EMILIN1: variants seen among roughly 807,000 people sequenced by gnomAD.
The protein encoded by EMILIN1 is elastin microfibril interfacer 1, also known as EMILIN-1.
EMILIN1 carries 49 observed loss-of-function variants against 82.4 expected under a neutral mutation model. The ratio of observed to expected loss-of-function variants is 0.59; its 90% CI spans 0.47 to 0.75. EMILIN1 has a LOEUF of 0.75. Among genes scored for constraint, EMILIN1 ranks in the 30% least tolerant of loss-of-function variants. The pLI, the probability that EMILIN1 is intolerant of heterozygous loss-of-function variation, is 0.00. For missense variants in EMILIN1, 1,313 were observed against 1,366.4 expected (o/e 0.96, Z 0.62); for synonymous variants, 604 against 602.2 (o/e 1.00, Z -0.04).
intron 5 of EMILIN1, 136 bp from the exon 6 acceptor site, chr2:27,084,855 G>A (rs906504376): frequency 3.9e-5 from 33 of 842,508 alleles, no homozygotes; most frequent in Non-Finnish European, 6.1e-5. Flanking sequence ...ACCTATTCCT[G>A]TTTTTCTTGA....
Position 27,086,383 on chromosome 2 carries a change from A to T in EMILIN1, c.*368A>T. ...TACTAAACGATCGAGGAATAAAGAC[A>T]CTTGGTTTTTCTAAAAAAAACTAAA... On this transcript the variant is annotated 3_prime_UTR_variant, in exon 8 of 8. Transcript: ENST00000380320. The T allele has an allele frequency of 4.7e-6, 1 of 213,638 alleles. No homozygotes were observed. The highest frequency in any genetic ancestry group is 9.2e-6 in the Non-Finnish European group (1 of 108,422). The allele number at this position is 213,638 out of a possible 1,614,324, so 13.2% of individuals were successfully genotyped here.
chr2:27,084,153 A>G (rs1223662194), intron 4 of EMILIN1, 142 bp downstream of exon 4: 1 of 1,025,960 alleles, frequency 9.7e-7, no homozygotes, highest in South Asian at 1.9e-5. Context: ...TCCAGGTGTT[A>G]TAGTTTGCCT....
At position 27,083,217 on chromosome 2, in the gene EMILIN1, A is replaced by G; in HGVS notation, c.1646A>G (p.Gln549Arg). ...CGGCTCCAGGATCGTGTGGATGCCC[A>G]GGATGAGACAGCTGCAGAGTTCACA... ...VGRLQDRVDA[Q>R]DETAAEFTLR... Residue 549 changes from glutamine to arginine, a missense_variant, in exon 4 of 8, where the codon CAG becomes CGG. By Grantham distance (43) the Gln-to-Arg change is conservative. Transcript: ENST00000380320. 1.9e-6 allele frequency: 3 copies of G among 1,611,824 alleles called. No individual in the cohort carries two copies. Among genetic ancestry groups the G allele is most frequent in the Non-Finnish European group, 2.5e-6 (3 of 1,178,748 alleles).
intron 3 of EMILIN1, among the ~76,000 whole-genome samples, chr2:27,081,607 A>C (rs1669478075): frequency 6.6e-6 from 1 of 152,180 alleles, no homozygotes; most frequent in Non-Finnish European, 1.5e-5. Context: ...TGGCATCCAG[A>C]GTGCCTCCCT....
rs773426833 is a variant in EMILIN1, at chr2:27,082,889, C to A, written c.1318C>A (p.Pro440Thr). ...TCCTGGGGGGCTGAGCCACTGGCTG[C>A]CTGCTGCCCGGGGCCGACTAGAGCA... ...GAPGGLSHWLPAARGRLEQLG... is the reference protein window; with the variant it reads ...GAPGGLSHWLTAARGRLEQLG... Residue 440 changes from proline to threonine, a missense_variant, in exon 4 of 8, where the codon CCT becomes ACT. Pro to Thr is a conservative substitution (Grantham distance 38). Transcript: ENST00000380320. The A allele has an allele frequency of 1.9e-6, 3 of 1,594,614 alleles. No individual in the cohort carries two copies. The East Asian group carries it at 6.7e-5, about 36-fold the overall frequency.
In EMILIN1 at chr2:27,083,453, G is replaced by A. The variant is rs752751079; in HGVS notation, c.1882G>A (p.Gly628Ser). 47 of 1,612,878 alleles carry A rather than the reference G, an allele frequency of 2.9e-5. No homozygotes were observed. The highest frequency in any genetic ancestry group is 3.4e-5 in the Non-Finnish European group (40 of 1,179,782). The change falls in exon 4 of 8, where the codon GGC becomes AGC. Residue 628 changes from glycine to serine, a missense_variant. Physicochemically the swap from Gly to Ser is moderately conservative, Grantham distance 56 (BLOSUM62 0). Transcript: ENST00000380320. ...VGGPSRGPLD[G>S]FSVFGGSSGS... ...GGGCCCAAGCCGTGGGCCCCTGGAC[G>A]GCTTCAGCGTGTTTGGGGGCAGCTC...
In EMILIN1 at chr2:27,082,383, G is replaced by A. The variant is rs748113935; in HGVS notation, c.812G>A (p.Ser271Asn). The A allele has an allele frequency of 5.0e-6, 8 of 1,610,376 alleles. No individual in the cohort carries two copies. In the African/African-American group the frequency reaches 5.3e-5, roughly 11 times the overall value. ...AACCATCATGGCGGCAGCAGCAGCA[G>A]TGGGGGCAGCAGGGCCCCAGCCCCA... is the stretch of plus-strand genomic sequence containing the variant. ...LNNHHGGSSSSGGSRAPAPAS... is the reference protein window; with the variant it reads ...LNNHHGGSSSNGGSRAPAPAS... The change falls in exon 4 of 8, where the codon AGT becomes AAT. Residue 271 changes from serine (S) to asparagine (N), a missense_variant. Coordinates refer to ENST00000380320, the MANE Select transcript of EMILIN1 (RefSeq NM_007046.4).
chr2:27,085,674 C>T lies in EMILIN1; in HGVS notation c.2714-4C>T, dbSNP rs775734602. 2 of 1,594,374 alleles carry T rather than the reference C, an allele frequency of 1.3e-6. No individual in the cohort carries two copies. The highest frequency in any genetic ancestry group is 1.7e-6 in the Non-Finnish European group (2 of 1,165,426). On this transcript the variant is annotated splice_region_variant and splice_polypyrimidine_tract_variant and intron_variant, in intron 7 of 7. Transcript: ENST00000380320. ...GCCCCCCTGACTGCTATCCTTGTCC[C>T]CAGGCGTGTTCACAGCGCCACTGGC... is the stretch of plus-strand genomic sequence containing the variant.
chr2:27,082,649 C>G lies in EMILIN1; in HGVS notation c.1078C>G (p.Arg360Gly). 1.3e-6 allele frequency: 2 copies of G among 1,548,244 alleles called. No individual in the cohort carries two copies. The highest frequency in any genetic ancestry group is 1.7e-6 in the Non-Finnish European group (2 of 1,149,428). ...PQECCSPELG[R>G]RLAELERRLD... ...GGAATGCTGCTCTCCAGAGCTGGGC[C>G]GGCGACTGGCAGAGCTGGAGCGCAG... The change falls in exon 4 of 8, where the codon CGG becomes GGG. Residue 360 changes from arginine (R) to glycine (G), a missense_variant. Transcript: ENST00000380320.
intron 1 of EMILIN1, 90 bp downstream of exon 1, chr2:27,079,325 G>A: frequency 5.3e-6 from 6 of 1,140,448 alleles, no homozygotes; most frequent in Non-Finnish European, 7.2e-6. Context: ...GTCCGCTAAT[G>A]CAGGGCAGAG....
At chr2:27,081,599 G>A (rs1312689167) in intron 3 of EMILIN1, among the ~76,000 whole-genome samples, 1 of 151,972 alleles carries the variant, frequency 6.6e-6, no homozygotes, top group Non-Finnish European at 1.5e-5. Flanking sequence ...TACTGTTGTG[G>A]CATCCAGAGT....
Position 27,086,291 on chromosome 2 carries a change from C to T in EMILIN1, c.*276C>T. 1 of 348,812 alleles carries T rather than the reference C, an allele frequency of 2.9e-6. No individual in the cohort carries two copies. Among genetic ancestry groups the T allele is most frequent in the Non-Finnish European group, 5.1e-6 (1 of 194,402 alleles). The allele number at this position is 348,812 out of a possible 1,614,324, so 21.6% of individuals were successfully genotyped here. ...AGCCGATCCTCGCACCCTCCGCTCC[C>T]TCCACTGGCCCTCCAGGTCGATTCC... On this transcript the variant is annotated 3_prime_UTR_variant, in exon 8 of 8. Transcript: ENST00000380320.
Position 27,083,436 on chromosome 2 carries a change from G to A in EMILIN1, c.1865G>A (p.Ser622Asn). Residue 622 changes from serine (S) to asparagine (N), a missense_variant, in exon 4 of 8, where the codon AGC (serine) becomes AAC (asparagine). Transcript: ENST00000380320. Reference protein sequence around the residue: ...PGAGPGVGGPSRGPLDGFSVF... With the variant: ...PGAGPGVGGPNRGPLDGFSVF... ...GCTGGTCCAGGTGTTGGGGGCCCAA[G>A]CCGTGGGCCCCTGGACGGCTTCAGC... 1.2e-6 allele frequency: 2 copies of A among 1,612,584 alleles called. No individual in the cohort carries two copies. The highest frequency in any genetic ancestry group is 1.7e-6 in the Non-Finnish European group (2 of 1,179,936).
chr2:27,081,141 G>GTGTGTA (rs1669468821), intron 3 of EMILIN1, among the ~76,000 whole-genome samples, 189 bp downstream of exon 3: 1 of 151,004 alleles, frequency 6.6e-6, no homozygotes, highest in African/African-American at 2.5e-5. Context: ...GTGTGTGTGT[G>GTGTGTA]TGTGTGTATT....
In EMILIN1 at chr2:27,079,057, C is replaced by G. The variant is rs150606069; in HGVS notation, c.-9C>G. 6 of 1,540,808 alleles carry G rather than the reference C, an allele frequency of 3.9e-6. No homozygotes were observed. Among genetic ancestry groups the G allele is most frequent in the Non-Finnish European group, 5.2e-6 (6 of 1,149,614 alleles). The stretch of plus-strand genomic sequence containing the variant: ...TGAGTCTCTGAGGGCCACTGTGGAG[C>G]GCCCCGCCATGGCCCCCCGCACCCT... On this transcript the variant is annotated 5_prime_UTR_variant, in exon 1 of 8. Transcript: ENST00000380320.
rs1669640708 is a variant in EMILIN1 at position 27,086,378 on chromosome 2, A to C, written c.*363A>C. On this transcript the variant is annotated 3_prime_UTR_variant, in exon 8 of 8. Coordinates refer to ENST00000380320, the MANE Select transcript of EMILIN1 (RefSeq NM_007046.4). ...CGCCATACTAAACGATCGAGGAATA[A>C]AGACACTTGGTTTTTCTAAAAAAAA... is the stretch of plus-strand genomic sequence containing the variant. The C allele has an allele frequency of 1.8e-5, 4 of 219,606 alleles. No individual in the cohort carries two copies. Among genetic ancestry groups the C allele is most frequent in the Non-Finnish European group, 3.6e-5 (4 of 112,168 alleles). The allele number at this position is 219,606 out of a possible 1,614,324, so 13.6% of individuals were successfully genotyped here.
Position 27,083,109 on chromosome 2 carries a change from T to C in EMILIN1, c.1538T>C (p.Leu513Pro), listed in dbSNP as rs1024384968. ...CTGGACAGTGAGGGGCAGCTGCGGCTGGTGGGCTCCGGCCTGCACACGGTG... is the reference window on the plus strand; with the variant it reads ...CTGGACAGTGAGGGGCAGCTGCGGCCGGTGGGCTCCGGCCTGCACACGGTG... ...RVLDSEGQLR[L>P]VGSGLHTVEA... Residue 513 changes from leucine (L) to proline (P), a missense_variant, in exon 4 of 8, where the codon CTG becomes CCG. Physicochemically the swap from Leu to Pro is moderately conservative, Grantham distance 98. Transcript: ENST00000380320. 2 of 1,565,178 alleles carry C rather than the reference T, an allele frequency of 1.3e-6. No homozygotes were observed. Among genetic ancestry groups the C allele is most frequent in the Admixed American group, 3.6e-5 (2 of 54,878 alleles).
At position 27,083,330 on chromosome 2, in the gene EMILIN1, G is replaced by T. The variant is rs776444866; in HGVS notation, c.1759G>T (p.Gly587Ter). 9 of 1,613,214 alleles carry T rather than the reference G, an allele frequency of 5.6e-6. No homozygotes were observed. The highest frequency in any genetic ancestry group is 5.1e-6 in the Non-Finnish European group (6 of 1,179,898). The change falls in exon 4 of 8, where the codon GGA becomes TGA. Residue 587 changes from glycine to a stop codon, truncating the protein, a stop_gained. Coordinates refer to ENST00000380320, the MANE Select transcript of EMILIN1 (RefSeq NM_007046.4). LOFTEE classifies it high-confidence loss of function. ...HGDEGCGACG[G>*]VQEELGRLRD... ...GGATGAGGGCTGTGGGGCCTGTGGC[G>T]GAGTCCAAGAGGAACTAGGCCGCCT...
chr2:27,082,228 C>A lies in EMILIN1; in HGVS notation c.657C>A (p.Asn219Lys). ...AGAGGGCTGTGGAGACGGCCTTCAA[C>A]GGGAGGCAGCAGCCAGCTGACGCGG... is the stretch of plus-strand genomic sequence containing the variant. ...DVQRAVETAF[N>K]GRQQPADAAA... Residue 219 changes from asparagine (N) to lysine (K), a missense_variant, in exon 4 of 8, where the codon AAC becomes AAA. Coordinates refer to ENST00000380320, the MANE Select transcript of EMILIN1 (RefSeq NM_007046.4). 1.2e-6 allele frequency: 2 copies of A among 1,613,460 alleles called. No homozygotes were observed. Among genetic ancestry groups the A allele is most frequent in the East Asian group, 2.2e-5 (1 of 44,884 alleles).
Sources: gnomAD v4.1 joint callset for allele counts (sites outside exome capture counted in the v4.1 genomes callset) on GRCh38, gnomAD v4.1.1 for gene constraint, MANE v1.5 for transcripts, NCBI Gene and HGNC (gene_info 2026-07-23, HGNC 2026-07-21) for gene names.